Variants in TTC21A observed in about 807,000 individuals in gnomAD.
The protein encoded by TTC21A is tetratricopeptide repeat protein 21A.
In TTC21A, 128 loss-of-function variants were observed where a neutral mutation model predicts 156.4. The ratio of observed to expected loss-of-function variants is 0.82; its 90% confidence interval spans 0.71 to 0.95. TTC21A has a LOEUF of 0.95. Among genes scored for constraint, TTC21A ranks in the 40% least tolerant of loss-of-function variants. TTC21A has a pLI of 0.00. For missense variants in TTC21A, 1,435 were observed against 1,602.3 expected (o/e 0.90, Z 1.78); for synonymous variants, 587 against 617.1 (o/e 0.95, Z 0.72).
At position 39,138,572 on chromosome 3, in the gene TTC21A, C is replaced by G; in HGVS notation, c.3813C>G (p.Phe1271Leu). Residue 1271 changes from phenylalanine (F) to leucine (L), a missense_variant, in exon 28 of 29, where the codon TTC becomes TTG. Phe to Leu is a conservative substitution (Grantham distance 22, BLOSUM62 0). Coordinates refer to ENST00000683103, the MANE Select transcript of TTC21A (RefSeq NM_001366900.1). ...CCCCGGTAGGCTTCAAACTTGCTTT[C>G]AACTACCTGAAGGACAAGAAATTTG... ...ANPAIGFKLA[F>L]NYLKDKKFVE... 6.2e-7 allele frequency: 1 copy of G among 1,614,204 alleles called. No homozygotes were observed. Among genetic ancestry groups the G allele is most frequent in the South Asian group, 1.1e-5 (1 of 91,082 alleles).
At chr3:39,136,642 A>G (rs752508963) in intron 23 of TTC21A, 135 bp downstream of exon 23, 231 of 1,196,610 alleles carry the variant, frequency 1.9e-4, no homozygotes, top group Non-Finnish European at 2.6e-4. Context: ...GTGAGGGCCC[A>G]TGGGGGCAGG....
At chr3:39,124,928 T>G in intron 9 of TTC21A, 135 bp from the exon 10 acceptor site, 1 of 669,118 alleles carries the variant, frequency 1.5e-6, no homozygotes. Flanking sequence ...TCTCTTTAAG[T>G]TTGTAGAAAT....
intron 9 of TTC21A, among the ~76,000 whole-genome samples, chr3:39,122,036 T>A (rs1470744899): frequency 6.6e-6 from 1 of 152,170 alleles, no homozygotes; most frequent in South Asian, 2.1e-4. Context: ...GAGCCAGGCG[T>A]GATGGCTCAC....
rs201788464 is a variant in TTC21A, at chr3:39,112,465, T to G, written c.443T>G (p.Val148Gly). ...KISRGFREAYVLRGWVDLTSD... is the reference protein window; with the variant it reads ...KISRGFREAYGLRGWVDLTSD... Reference sequence around the variant, plus strand: ...ATCTTGTTCTCATCCCAGGCCTATGTGCTCAGAGGCTGGGTGGACCTGACC... The same window carrying G: ...ATCTTGTTCTCATCCCAGGCCTATGGGCTCAGAGGCTGGGTGGACCTGACC... Residue 148 changes from valine to glycine, a missense_variant, in exon 5 of 29, where the codon GTG (valine) becomes GGG (glycine). By Grantham distance (109) the Val-to-Gly change is moderately radical. Coordinates refer to ENST00000683103, the MANE Select transcript of TTC21A (RefSeq NM_001366900.1). 12 of 1,614,120 alleles carry G rather than the reference T, an allele frequency of 7.4e-6. No homozygotes were observed. Among genetic ancestry groups the G allele is most frequent in the Non-Finnish European group, 1.0e-5 (12 of 1,179,980 alleles).
At chr3:39,109,917 T>C (rs2036662198) in intron 2 of TTC21A, 112 bp from the exon 3 acceptor site, 1 of 738,186 alleles carries the variant, frequency 1.4e-6, no homozygotes, top group South Asian at 1.7e-5. Flanking sequence ...TGGGGACCTT[T>C]CAGACCAGTT....
At chr3:39,136,661 C>T (rs767727506) in intron 23 of TTC21A, 154 bp downstream of exon 23, 20 of 1,099,004 alleles carry the variant, frequency 1.8e-5, no homozygotes, top group Non-Finnish European at 2.3e-5. Flanking sequence ...GGGGTGGAAC[C>T]CTGTGGAAGT....
intron 9 of TTC21A, among the ~76,000 whole-genome samples, chr3:39,123,082 C>T (rs1249707850): frequency 6.6e-6 from 1 of 152,212 alleles, no homozygotes; most frequent in East Asian, 1.9e-4. Flanking sequence ...ACAGAAAAGA[C>T]TTTTCCTCCC....
intron 27 of TTC21A, 70 bp from the exon 28 acceptor site, chr3:39,138,486 T>C: frequency 6.2e-7 from 1 of 1,613,698 alleles, no homozygotes; most frequent in Non-Finnish European, 8.5e-7. Context: ...GTACCCTGGC[T>C]GTTATGAGAA....
chr3:39,125,695 G>A (rs2038168135), intron 11 of TTC21A, among the ~76,000 whole-genome samples, 163 bp downstream of exon 11: 1 of 152,164 alleles, frequency 6.6e-6, no homozygotes, highest in Admixed American at 6.5e-5. Context: ...TGAACATACA[G>A]CACACAGGTC....
chr3:39,109,365 G>A, intron 2 of TTC21A, 151 bp downstream of exon 2: 1 of 830,540 alleles, frequency 1.2e-6, no homozygotes, highest in East Asian at 2.8e-5. Flanking sequence ...AATCCACAGA[G>A]GCCTACGTAA....
intron 26 of TTC21A, chr3:39,138,060 A>T: frequency 3.0e-6 from 2 of 672,194 alleles, no homozygotes; most frequent in Non-Finnish European, 5.0e-6. Context: ...GAAAGGGGTT[A>T]CGCCAGTGTC....
At chr3:39,138,241 G>C in intron 26 of TTC21A, 26 bp from the exon 27 acceptor site, 8 of 1,613,734 alleles carry the variant, frequency 5.0e-6, no homozygotes, top group Non-Finnish European at 6.8e-6. Context: ...CCGCTCTGCA[G>C]AGGCTCTAAC....
intron 7 of TTC21A, 134 bp from the exon 8 acceptor site, chr3:39,119,788 C>A (rs1212995272): frequency 1.5e-6 from 1 of 660,158 alleles, no homozygotes; most frequent in Non-Finnish European, 2.7e-6. Context: ...ATCTGAATTT[C>A]TGGGGGGTTG....
rs1166184423 is a variant in TTC21A at position 39,119,964 on chromosome 3, A to T, written c.844A>T (p.Arg282Trp). Reference protein sequence around the residue: ...VRNLIKALETREPENPSLHLK... With the variant: ...VRNLIKALETWEPENPSLHLK... ...AAATCTGATTAAGGCACTAGAGACA[A>T]GGGAACCCGAAAATCCAAGCCTCCA... Residue 282 changes from arginine (R) to tryptophan (W), a missense_variant, in exon 8 of 29, where the codon AGG becomes TGG. Transcript: ENST00000683103. 1 of 1,610,528 alleles carries T rather than the reference A, an allele frequency of 6.2e-7. No homozygotes were observed. The highest frequency in any genetic ancestry group is 1.1e-5 in the South Asian group (1 of 91,020).
At chr3:39,136,305 T>C in intron 22 of TTC21A, 52 bp from the exon 23 acceptor site, 1 of 1,574,338 alleles carries the variant, frequency 6.4e-7, no homozygotes, top group Non-Finnish European at 8.6e-7. Context: ...CACCCTCATC[T>C]GATAACAGCT....
intron 15 of TTC21A, among the ~76,000 whole-genome samples, chr3:39,129,774 C>T (rs970126610): frequency 1.3e-5 from 2 of 152,134 alleles, no homozygotes; most frequent in Non-Finnish European, 1.5e-5. Context: ...TATGGAGGCA[C>T]GGCCAGATTG....
chr3:39,128,734 C>T lies in TTC21A; in HGVS notation c.1698C>T (p.Leu566=), dbSNP rs893391973. The part of the protein sequence containing the change: ...SHNFQVRDHP[L]YHLIKARALN... ...CCTCCTAGGTCCGAGATCACCCCCT[C>T]TACCACCTCATCAAGGCCAGGGCCC... The change falls in exon 14 of 29, where the codon CTC becomes CTT. Residue 566 remains leucine, a synonymous_variant. Coordinates refer to ENST00000683103, the MANE Select transcript of TTC21A (RefSeq NM_001366900.1). 2 of 1,614,054 alleles carry T rather than the reference C, an allele frequency of 1.2e-6. No individual in the cohort carries two copies. The highest frequency in any genetic ancestry group is 2.7e-5 in the African/African-American group (2 of 74,940).
At chr3:39,122,703 C>T (rs942303142) in intron 9 of TTC21A, among the ~76,000 whole-genome samples, 1 of 152,192 alleles carries the variant, frequency 6.6e-6, no homozygotes, top group Non-Finnish European at 1.5e-5. Context: ...TGATTTCCCA[C>T]CATAACCAGG....
intron 15 of TTC21A, 133 bp from the exon 16 acceptor site, chr3:39,129,946 A>G: frequency 1.0e-6 from 1 of 966,614 alleles, no homozygotes; most frequent in South Asian, 1.6e-5. Flanking sequence ...TTCACAGTGG[A>G]CTTTCTATAA....
Sources: allele counts gnomAD v4.1 joint callset (sites outside exome capture counted in the v4.1 genomes callset), GRCh38; gene constraint gnomAD v4.1.1; transcripts MANE v1.5; gene names NCBI Gene and HGNC (gene_info 2026-07-23, HGNC 2026-07-21).